The following ADGB variants were observed in gnomAD, a reference collection of about 807,000 sequenced individuals.
The protein encoded by ADGB is androglobin, also known as calpain-7-like protein.
A neutral mutation model predicts 210.5 loss-of-function variants in ADGB; 172 were observed. That is an observed-to-expected ratio of 0.82 (90% CI 0.72 to 0.93). ADGB has a LOEUF of 0.93. Ranked by LOEUF, ADGB falls within the 40% of genes least tolerant of loss-of-function variation. The pLI is 0.00. For synonymous variants in ADGB, 658 were observed against 662.7 expected, an observed-to-expected ratio of 0.99 and a Z score of 0.11; for missense variants, 2,025 against 1,964.8, an observed-to-expected ratio of 1.03 and a Z score of -0.58.
intron 8 of ADGB, 31 bp downstream of exon 8, chr6:146,672,498 G>A: frequency 6.6e-7 from 1 of 1,503,784 alleles, no homozygotes; most frequent in East Asian, 2.5e-5. Flanking sequence ...ATGTGATTCA[G>A]TATGGACATT....
intron 7 of ADGB, 36 bp downstream of exon 7, chr6:146,666,938 T>A: frequency 7.0e-7 from 1 of 1,430,730 alleles, no homozygotes; most frequent in Non-Finnish European, 9.6e-7. Flanking sequence ...TATCTATTTT[T>A]TTTATCTTCC....
chr6:146,612,236 A>G (rs1780723003), intron 1 of ADGB, among the ~76,000 whole-genome samples: 1 of 152,034 alleles, frequency 6.6e-6, no homozygotes, highest in African/African-American at 2.4e-5. Flanking sequence ...TTCCCTTTTG[A>G]TTGAAACAAT....
At chr6:146,740,404 T>A (rs1020016649) in intron 23 of ADGB, 55 bp from the exon 24 acceptor site, 9 of 1,396,230 alleles carry the variant, frequency 6.4e-6, no homozygotes, top group Admixed American at 5.1e-5. Flanking sequence ...GTAAATAGAG[T>A]TTATCTTTAA....
At chr6:146,697,838 T>C (rs1452551124) in intron 12 of ADGB, among the ~76,000 whole-genome samples, 10 of 152,142 alleles carry the variant, frequency 6.6e-5, no homozygotes, top group African/African-American at 2.4e-4. Context: ...AAACTGCAGC[T>C]AGACACATCA....
intron 5 of ADGB, among the ~76,000 whole-genome samples, chr6:146,661,012 AT>A (rs1562267570): frequency 6.6e-6 from 1 of 151,808 alleles, no homozygotes; most frequent in Admixed American, 6.6e-5. Context: ...TTAGGATTCC[AT>A]TTTGATTGAC....
chr6:146,624,139 A>G (rs906932559), intron 1 of ADGB, among the ~76,000 whole-genome samples: 2 of 151,758 alleles, frequency 1.3e-5, no homozygotes, highest in African/African-American at 4.8e-5. Context: ...ATGTTAGTGG[A>G]GAATTGGTGC....
At chr6:146,674,562 G>C (rs573141048) in intron 8 of ADGB, among the ~76,000 whole-genome samples, 52 of 152,270 alleles carry the variant, frequency 3.4e-4, no homozygotes, top group African/African-American at 1.3e-3. Context: ...GGTTTGGTAG[G>C]AGAAGATGAG....
chr6:146,612,026 G>A (rs978121633), intron 1 of ADGB, among the ~76,000 whole-genome samples: 1 of 152,134 alleles, frequency 6.6e-6, no homozygotes. Context: ...GAAGCAGTCT[G>A]TGTCCCAGAC....
intron 7 of ADGB, among the ~76,000 whole-genome samples, chr6:146,670,713 G>T (rs1308524228): frequency 2.0e-5 from 3 of 152,096 alleles, no homozygotes; most frequent in Non-Finnish European, 4.4e-5. Flanking sequence ...CAAGAACAGG[G>T]ACCCTCTTTT....
At chr6:146,672,561 T>C in intron 8 of ADGB, 94 bp downstream of exon 8, 1 of 1,390,034 alleles carries the variant, frequency 7.2e-7, no homozygotes, top group Non-Finnish European at 9.5e-7. Flanking sequence ...AGAGTGGTTT[T>C]GATCCAGACC....
intron 33 of ADGB, among the ~76,000 whole-genome samples, chr6:146,800,294 TAA>T (rs1778109218): frequency 2.6e-5 from 4 of 152,108 alleles, no homozygotes; most frequent in Non-Finnish European, 5.9e-5. Flanking sequence ...CCTACTTACA[TAA>T]AATGTCCAGG....
At chr6:146,657,753 G>C (rs1775805268) in intron 5 of ADGB, among the ~76,000 whole-genome samples, 1 of 152,176 alleles carries the variant, frequency 6.6e-6, no homozygotes, top group Non-Finnish European at 1.5e-5. Context: ...TAGCTGAGGG[G>C]CCTGATCCCA....
chr6:146,691,483 T>TAA (rs1562275672), intron 11 of ADGB, among the ~76,000 whole-genome samples, 193 bp downstream of exon 11: 5 of 13,970 alleles, frequency 3.6e-4, no homozygotes, highest in Non-Finnish European at 6.0e-4. Context: ...TATAAATATA[T>TAA]ATATATATAT....
chr6:146,660,777 A>G (rs1268055617), intron 5 of ADGB, among the ~76,000 whole-genome samples: 4 of 152,194 alleles, frequency 2.6e-5, no homozygotes, highest in African/African-American at 9.6e-5. Flanking sequence ...GAGTTATTCC[A>G]TCAAAATATT....
At chr6:146,631,743 G>T (rs543824713) in intron 1 of ADGB, among the ~76,000 whole-genome samples, 89 of 152,134 alleles carry the variant, frequency 5.9e-4, no homozygotes, top group Non-Finnish European at 9.9e-4. Flanking sequence ...ATAAATAAAG[G>T]ATTAGTGAGA....
chr6:146,757,466 T>C (rs545979638), intron 27 of ADGB, among the ~76,000 whole-genome samples: 1 of 152,022 alleles, frequency 6.6e-6, no homozygotes, highest in Admixed American at 6.6e-5. Context: ...ACTCTATCTC[T>C]CTTTTAAAAA....
At chr6:146,650,109 A>G (rs939749199) in intron 3 of ADGB, among the ~76,000 whole-genome samples, 2 of 152,174 alleles carry the variant, frequency 1.3e-5, no homozygotes, top group Admixed American at 6.5e-5. Context: ...ACCTGTCCAC[A>G]TGGCTAAACT....
intron 26 of ADGB, among the ~76,000 whole-genome samples, chr6:146,750,966 ATTTG>A (rs1406801465): frequency 3.3e-5 from 5 of 152,128 alleles, no homozygotes; most frequent in African/African-American, 4.8e-5. Flanking sequence ...CAAGTTTTAT[ATTTG>A]TTTATTTATT....
chr6:146,730,026 A>C (rs1350799750), intron 20 of ADGB, among the ~76,000 whole-genome samples: 1 of 152,192 alleles, frequency 6.6e-6, no homozygotes, highest in Non-Finnish European at 1.5e-5. Flanking sequence ...AGATTTAGCA[A>C]ATACAAATAC....
Sources: allele counts gnomAD v4.1 joint callset (sites outside exome capture counted in the v4.1 genomes callset), GRCh38; gene constraint gnomAD v4.1.1; transcripts MANE v1.5; gene names NCBI Gene and HGNC (gene_info 2026-07-23, HGNC 2026-07-21).